USP30: variants seen among roughly 807,000 people sequenced by gnomAD.
The protein encoded by USP30 is ubiquitin carboxyl-terminal hydrolase 30.
A neutral mutation model predicts 68.2 loss-of-function variants in USP30; 41 were observed. That is an observed-to-expected ratio of 0.60 (90% confidence interval 0.47 to 0.78). USP30 has a LOEUF of 0.78. Among genes scored for constraint, USP30 ranks in the 30% least tolerant of loss-of-function variants. USP30 has a pLI of 0.00. For missense variants in USP30, 522 were observed against 649.4 expected (o/e 0.80, Z 2.13); for synonymous variants, 229 against 253.7 (o/e 0.90, Z 0.93).
At chr12:109,077,350 T>G (rs2041642107) in intron 7 of USP30, among the ~76,000 whole-genome samples, 2 of 152,330 alleles carry the variant, frequency 1.3e-5, no homozygotes, top group South Asian at 4.1e-4. Context: ...TTAGCTCTAT[T>G]TCTGCTAATT....
chr12:109,076,502 T>G (rs1422513857), intron 7 of USP30, among the ~76,000 whole-genome samples: 1 of 152,126 alleles, frequency 6.6e-6, no homozygotes, highest in East Asian at 1.9e-4. Flanking sequence ...TTTGCTTTGT[T>G]TCAAATCTTC....
At chr12:109,055,732 G>A (rs983400832) in intron 1 of USP30, among the ~76,000 whole-genome samples, 2 of 149,722 alleles carry the variant, frequency 1.3e-5, no homozygotes, top group African/African-American at 4.9e-5. Context: ...TATGTGCTAA[G>A]TATGATCTAG....
intron 7 of USP30, among the ~76,000 whole-genome samples, chr12:109,080,502 C>G (rs1566104570): frequency 6.6e-6 from 1 of 152,210 alleles, no homozygotes; most frequent in Non-Finnish European, 1.5e-5. Context: ...TCACCAAAAG[C>G]AGGAACTCTC....
intron 7 of USP30, among the ~76,000 whole-genome samples, chr12:109,078,285 C>A (rs7978342): frequency 0.28 from 41,946 of 152,016 alleles, 7,477 homozygotes; most frequent in African/African-American, 0.51. Flanking sequence ...TTAGCTGGGC[C>A]TGGTGGCGGG....
intron 7 of USP30, among the ~76,000 whole-genome samples, chr12:109,079,108 T>G (rs1593289747): frequency 6.6e-6 from 1 of 152,100 alleles, no homozygotes; most frequent in East Asian, 1.9e-4. Context: ...CTGAGTTTCT[T>G]AAATTTGTAC....
intron 3 of USP30, among the ~76,000 whole-genome samples, chr12:109,063,122 C>T (rs918589558): frequency 6.6e-6 from 1 of 150,636 alleles, no homozygotes; most frequent in African/African-American, 2.4e-5. Flanking sequence ...TTTTTTAAGA[C>T]AAAGTCTCAT....
chr12:109,060,685 C>T (rs977537950), intron 3 of USP30, among the ~76,000 whole-genome samples: 3 of 152,028 alleles, frequency 2.0e-5, no homozygotes, highest in Non-Finnish European at 2.9e-5. Flanking sequence ...AGATGAGTCT[C>T]GTCTTGTCAC....
upstream of USP30, among the ~76,000 whole-genome samples, chr12:109,048,178 T>A (rs987272087): frequency 6.6e-6 from 1 of 151,328 alleles, no homozygotes; most frequent in South Asian, 2.1e-4. Flanking sequence ...CTCTAACTCC[T>A]GGGCTCAAGC....
Position 109,082,898 on chromosome 12 carries a change from C to G in USP30, c.1004C>G (p.Thr335Arg). The stretch of plus-strand genomic sequence containing the variant: ...CGGCTGAGCTGGTCCAGCCACGGCA[C>G]GCCTCTGAAGCGGCATGAGCACGTG... Reference protein sequence around the residue: ...LQRLSWSSHGTPLKRHEHVQF... With the variant: ...LQRLSWSSHGRPLKRHEHVQF... Residue 335 changes from threonine to arginine, a missense_variant, in exon 11 of 13, where the codon ACG becomes AGG. Physicochemically the swap from Thr to Arg is moderately conservative, Grantham distance 71 (BLOSUM62 -1). Coordinates refer to ENST00000257548, the MANE Select transcript of USP30 (RefSeq NM_032663.5). The G allele has an allele frequency of 1.2e-6, 2 of 1,614,230 alleles. No individual in the cohort carries two copies. Among genetic ancestry groups the G allele is most frequent in the Non-Finnish European group, 1.7e-6 (2 of 1,180,028 alleles).
intron 3 of USP30, among the ~76,000 whole-genome samples, chr12:109,030,528 G>A (rs1387074918): frequency 6.6e-6 from 1 of 152,160 alleles, no homozygotes; most frequent in African/African-American, 2.4e-5. Context: ...GTACAGCATG[G>A]TGACTATAGG....
chr12:109,084,579 A>T (rs2041894805), intron 11 of USP30, among the ~76,000 whole-genome samples: 1 of 152,224 alleles, frequency 6.6e-6, no homozygotes, highest in South Asian at 2.1e-4. Flanking sequence ...AGCCCCCGCA[A>T]CAAAGAATGA....
Position 109,067,634 on chromosome 12 carries a change from A to T in USP30, c.480+7A>T. ...CTCATCATTTGAAGAACAGGTGAGT[A>T]CAACATTTGAACAGGTTTAGCTTGG... On this transcript the variant is annotated splice_region_variant and intron_variant, in intron 4 of 12. Transcript: ENST00000257548. 6.2e-7 allele frequency: 1 copy of T among 1,612,698 alleles called. No homozygotes were observed. Among genetic ancestry groups the T allele is most frequent in the South Asian group, 1.1e-5 (1 of 91,022 alleles).
chr12:109,051,091 A>C (rs2040662586), upstream of USP30, among the ~76,000 whole-genome samples: 1 of 152,010 alleles, frequency 6.6e-6, no homozygotes, highest in Non-Finnish European at 1.5e-5. Flanking sequence ...GGTTCTTGCT[A>C]TGTTGCCCAG....
intron 3 of USP30, among the ~76,000 whole-genome samples, chr12:109,034,506 C>T (rs545359844): frequency 8.6e-5 from 13 of 152,034 alleles, no homozygotes; most frequent in Non-Finnish European, 1.6e-4. Flanking sequence ...GTGGGAGGAT[C>T]GCTTGAGCTC....
chr12:109,046,140 T>C (rs1384653897), intron 3 of USP30, among the ~76,000 whole-genome samples: 1 of 140,642 alleles, frequency 7.1e-6, no homozygotes, highest in Non-Finnish European at 1.5e-5. Context: ...CTCACTCTGT[T>C]GCTAGGCTGG....
chr12:109,077,115 T>C (rs765744875), intron 7 of USP30, among the ~76,000 whole-genome samples: 3 of 152,198 alleles, frequency 2.0e-5, no homozygotes, highest in Non-Finnish European at 2.9e-5. Context: ...TTATATATTA[T>C]TGAATTTGAT....
chr12:109,026,671 T>C (rs1050640566), intron 2 of USP30, among the ~76,000 whole-genome samples: 1 of 151,936 alleles, frequency 6.6e-6, no homozygotes, highest in Non-Finnish European at 1.5e-5. Flanking sequence ...TCTCACTATG[T>C]TGCCCAGGCT....
At chr12:109,055,401 T>TATATATATACATATATATATATATATACA (rs61062424) in intron 1 of USP30, among the ~76,000 whole-genome samples, 1 of 29,636 alleles carries the variant, frequency 3.4e-5, no homozygotes, top group South Asian at 1.4e-3. Context: ...TATATATATA[T>TATATATATACATATATATATATATATACA]TTTTTTTTTT....
intron 6 of USP30, 119 bp downstream of exon 6, chr12:109,072,469 G>A (rs2041476790): frequency 2.4e-5 from 22 of 928,646 alleles, no homozygotes; most frequent in Non-Finnish European, 3.0e-5. Context: ...GAAGTGTGAT[G>A]TGCTTGCAAA....
Sources: allele counts gnomAD v4.1 joint callset (sites outside exome capture counted in the v4.1 genomes callset), GRCh38; gene constraint gnomAD v4.1.1; transcripts MANE v1.5; gene names NCBI Gene and HGNC (gene_info 2026-07-23, HGNC 2026-07-21).